AGPAT5: variants seen among roughly 807,000 people sequenced by gnomAD.
AGPAT5 encodes 1-acyl-sn-glycerol-3-phosphate acyltransferase epsilon.
A neutral mutation model predicts 45.6 loss-of-function variants in AGPAT5; 46 were observed. That is an observed-to-expected ratio of 1.01 (90% CI 0.80 to 1.29). The LOEUF (loss-of-function observed/expected upper bound fraction) is 1.29. Among genes scored for constraint, AGPAT5 ranks in the 50% most tolerant of loss-of-function variants. The pLI is 0.00. For missense variants in AGPAT5, 673 were observed against 450.7 expected (o/e 1.49, Z -4.47); for synonymous variants, 272 against 167.0 (o/e 1.63, Z -4.85).
chr8:6,738,775 T>C (rs1801141897), intron 4 of AGPAT5, among the ~76,000 whole-genome samples: 1 of 152,170 alleles, frequency 6.6e-6, no homozygotes, highest in Non-Finnish European at 1.5e-5. Context: ...GTACGTGTGT[T>C]TTTTTATTTT....
At chr8:6,726,944 C>G (rs10105115) in intron 2 of AGPAT5, among the ~76,000 whole-genome samples, 3,256 of 152,226 alleles carry the variant, frequency 0.021, 114 homozygotes, top group African/African-American at 0.074. Context: ...TATGACAGAG[C>G]CTTTTCCTAG....
intron 1 of AGPAT5, among the ~76,000 whole-genome samples, chr8:6,710,658 T>C (rs1009656121): frequency 6.6e-6 from 1 of 152,214 alleles, no homozygotes. Context: ...GTATTTTGAA[T>C]TTATTAGGGT....
Position 6,759,018 on chromosome 8 carries a change from T to C in AGPAT5, c.*1630T>C, listed in dbSNP as rs1000813573. On this transcript the variant is annotated 3_prime_UTR_variant, in exon 8 of 8. Coordinates refer to ENST00000285518, the MANE Select transcript of AGPAT5 (RefSeq NM_018361.5). ...TTCAAGCATCATCTTTGAAGAGTCG[T>C]GTGGTGTGAATTGGTTTGTGTACAT... 6.6e-6 allele frequency: 1 copy of C among 152,260 alleles called. No individual in the cohort carries two copies. The highest frequency in any genetic ancestry group is 1.5e-5 in the Non-Finnish European group (1 of 68,034). The allele number at this position is 152,260 out of a possible 1,614,324, so 9.4% of individuals were successfully genotyped here. A position where few individuals can be genotyped will look rare whatever the true frequency, so the allele number is the denominator to read the frequency against.
At chr8:6,756,609 CAAAAA>C (rs11300826) in intron 7 of AGPAT5, among the ~76,000 whole-genome samples, 1 of 122,918 alleles carries the variant, frequency 8.1e-6, no homozygotes, top group African/African-American at 3.0e-5. Flanking sequence ...TGCCTTTTTT[CAAAAA>C]AAAAAAAAAA....
rs1486787656 is a variant in AGPAT5 at position 6,757,327 on chromosome 8, A to G, written c.1034A>G (p.Tyr345Cys). 6.2e-7 allele frequency: 1 copy of G among 1,614,128 alleles called. No homozygotes were observed. Among genetic ancestry groups the G allele is most frequent in the African/African-American group, 1.3e-5 (1 of 74,952 alleles). ...MLMTDAGRKLYVNTWIYGTLL... is the reference protein window; with the variant it reads ...MLMTDAGRKLCVNTWIYGTLL... ...ATGACCGATGCTGGAAGGAAGCTGT[A>G]TGTGAACACCTGGATATATGGAACC... The change falls in exon 8 of 8, where the codon TAT becomes TGT. Residue 345 changes from tyrosine to cysteine, a missense_variant. Tyr to Cys is a radical substitution (Grantham distance 194). Transcript: ENST00000285518.
At position 6,740,575 on chromosome 8, in the gene AGPAT5, G is replaced by T. The variant is rs992535653; in HGVS notation, c.496-1086G>T. ...CTGTTAATTTCTAAGTTAGGTGTGG[G>T]TTCTGAAGACTATTATATGAATGAA... On this transcript the variant is annotated intron_variant, in intron 4 of 7. Transcript: ENST00000285518. Among the ~76,000 whole-genome samples, 6 of 151,246 alleles carry T rather than the reference G, an allele frequency of 4.0e-5. No individual in the cohort carries two copies. The East Asian group carries it at 9.7e-4, about 24-fold the overall frequency.
intron 2 of AGPAT5, among the ~76,000 whole-genome samples, chr8:6,729,063 T>C (rs1334932482): frequency 6.6e-6 from 1 of 152,218 alleles, no homozygotes; most frequent in Non-Finnish European, 1.5e-5. Flanking sequence ...TTCATATGTA[T>C]AATAATTATA....
chr8:6,723,509 C>G (rs1419018441), intron 1 of AGPAT5, among the ~76,000 whole-genome samples: 1 of 152,040 alleles, frequency 6.6e-6, no homozygotes. Context: ...GCATGGGCCA[C>G]TATGCCTGGG....
chr8:6,753,050 C>T (rs1801709193), intron 6 of AGPAT5, among the ~76,000 whole-genome samples: 1 of 152,188 alleles, frequency 6.6e-6, no homozygotes, highest in Non-Finnish European at 1.5e-5. Context: ...CAGCCCCTGC[C>T]TGCGTAGAAT....
chr8:6,748,287 G>C (rs1420481322), intron 6 of AGPAT5, among the ~76,000 whole-genome samples: 1 of 152,024 alleles, frequency 6.6e-6, no homozygotes, highest in Non-Finnish European at 1.5e-5. Flanking sequence ...TAGGTTTTAA[G>C]AACCTTTGAG....
At chr8:6,741,353 T>A (rs1801239691) in intron 4 of AGPAT5, among the ~76,000 whole-genome samples, 1 of 151,944 alleles carries the variant, frequency 6.6e-6, no homozygotes, top group South Asian at 2.1e-4. Context: ...TTTGTATGAG[T>A]CAGCGTTTCA....
intron 5 of AGPAT5, 65 bp from the exon 6 acceptor site, chr8:6,747,605 T>A: frequency 7.2e-7 from 1 of 1,395,624 alleles, no homozygotes; most frequent in South Asian, 1.4e-5. Flanking sequence ...ATAATTTAGA[T>A]GTTAAACAGT....
intron 4 of AGPAT5, among the ~76,000 whole-genome samples, chr8:6,736,331 A>G (rs1180911121): frequency 3.3e-5 from 5 of 152,246 alleles, no homozygotes; most frequent in Non-Finnish European, 7.3e-5. Flanking sequence ...CAGAATAGAT[A>G]CAAATCCATT....
intron 5 of AGPAT5, among the ~76,000 whole-genome samples, chr8:6,745,479 T>C (rs568740082): frequency 1.6e-4 from 24 of 152,380 alleles, no homozygotes; most frequent in African/African-American, 5.8e-4. Flanking sequence ...GTATCATTTG[T>C]GTCAGTTGTC....
intron 2 of AGPAT5, among the ~76,000 whole-genome samples, chr8:6,730,336 T>TGCTGACA (rs1800821082): frequency 1.1e-4 from 1 of 8,940 alleles, no homozygotes; most frequent in Admixed American, 1.7e-3. Context: ...TTTTTTTTTT[T>TGCTGACA]TTTTTTTTTT....
intron 7 of AGPAT5, among the ~76,000 whole-genome samples, chr8:6,755,883 A>C (rs1458231871): frequency 6.6e-6 from 1 of 152,244 alleles, no homozygotes; most frequent in South Asian, 2.1e-4. Flanking sequence ...TTAACTGTAC[A>C]TGATGTAATG....
intron 3 of AGPAT5, 22 bp from the exon 4 acceptor site, chr8:6,732,539 T>A (rs1386629696): frequency 6.4e-7 from 1 of 1,573,020 alleles, no homozygotes; most frequent in Admixed American, 2.1e-5. Flanking sequence ...AAATGCTCTT[T>A]CTCCCGATTT....
chr8:6,730,681 G>C, intron 2 of AGPAT5, 30 bp from the exon 3 acceptor site: 2 of 1,486,284 alleles, frequency 1.3e-6, no homozygotes, highest in Non-Finnish European at 1.9e-6. Context: ...AGAGCCTCAT[G>C]TACGCGCTAA....
At chr8:6,734,376 C>T (rs1354346635) in intron 4 of AGPAT5, among the ~76,000 whole-genome samples, 2 of 151,504 alleles carry the variant, frequency 1.3e-5, no homozygotes, top group Non-Finnish European at 2.9e-5. Context: ...TGTGTTGAGT[C>T]TACTGGTGAG....
Sources: allele counts gnomAD v4.1 joint callset (sites outside exome capture counted in the v4.1 genomes callset), GRCh38; gene constraint gnomAD v4.1.1; transcripts MANE v1.5; gene names NCBI Gene and HGNC (gene_info 2026-07-23, HGNC 2026-07-21).